Variants in POLR1B observed in about 807,000 individuals in gnomAD.
POLR1B encodes the protein DNA-directed RNA polymerase I subunit RPA2.
A neutral mutation model predicts 105.8 loss-of-function variants in POLR1B; 30 were observed. That is an observed-to-expected ratio of 0.28 (90% CI 0.21 to 0.38). The LOEUF is 0.38. Ranked by LOEUF, POLR1B falls within the 10% of genes least tolerant of loss-of-function variation. The probability of loss-of-function intolerance (pLI) is 1.00; values close to 1 mark genes in which losing one functional copy is unlikely to be tolerated. For missense variants in POLR1B, 976 were observed against 1,435.8 expected (o/e 0.68, Z 5.17); for synonymous variants, 485 against 505.1 (o/e 0.96, Z 0.53).
Position 112,577,591 on chromosome 2 carries a change from C to G in POLR1B, c.*1862C>G, listed in dbSNP as rs576714877. Among the ~76,000 whole-genome samples the G allele has an allele frequency of 6.6e-6, 1 of 151,862 alleles. No individual in the cohort carries two copies. Among genetic ancestry groups the G allele is most frequent in the Non-Finnish European group, 1.5e-5 (1 of 67,932 alleles). On this transcript the variant is annotated 3_prime_UTR_variant, in exon 15 of 15. Transcript: ENST00000263331. ...AAGGCTGGGTGTGGTGGCTCACACC[C>G]ATAATCCCAACACTTTGGCTCAGCA...
chr2:112,549,938 T>C (rs1175999369), intron 4 of POLR1B, among the ~76,000 whole-genome samples: 2 of 148,592 alleles, frequency 1.3e-5, no homozygotes, highest in Non-Finnish European at 3.0e-5. Flanking sequence ...TATGTATATG[T>C]ATATTCAAGG....
chr2:112,550,287 A>G (rs1298467074), intron 4 of POLR1B, among the ~76,000 whole-genome samples: 1 of 152,242 alleles, frequency 6.6e-6, no homozygotes, highest in Non-Finnish European at 1.5e-5. Context: ...CTCTGTTGGA[A>G]CATTCTCTTT....
intron 10 of POLR1B, among the ~76,000 whole-genome samples, chr2:112,565,157 T>C (rs988701572): frequency 6.6e-6 from 1 of 152,264 alleles, no homozygotes. Context: ...AGTGTACAAA[T>C]ATCTATTTAA....
At chr2:112,547,847 GT>G (rs140531624) in intron 3 of POLR1B, among the ~76,000 whole-genome samples, 10 of 147,582 alleles carry the variant, frequency 6.8e-5, no homozygotes, top group Middle Eastern at 3.4e-3. Flanking sequence ...CACAAAATTT[GT>G]TTTTTTTTTC....
chr2:112,564,400 A>G lies in POLR1B; in HGVS notation c.1647A>G (p.Ser549=). 2.5e-6 allele frequency: 4 copies of G among 1,614,242 alleles called. No homozygotes were observed. The highest frequency in any genetic ancestry group is 3.4e-6 in the Non-Finnish European group (4 of 1,180,048). ...CCATTGATGGAGCTCCCCACCGATC[A>G]TACAGTGAGTGCTACCCTGTCCTGC... ...VTPIDGAPHR[S]YSECYPVLLD... Residue 549 remains serine, a synonymous_variant, in exon 10 of 15, where the codon TCA becomes TCG. Coordinates refer to ENST00000263331, the MANE Select transcript of POLR1B (RefSeq NM_019014.6).
At chr2:112,548,718 T>C (rs1476253853) in intron 3 of POLR1B, among the ~76,000 whole-genome samples, 3 of 152,014 alleles carry the variant, frequency 2.0e-5, no homozygotes. Flanking sequence ...GTTCAAGCCA[T>C]TCTCCTGCCT....
intron 11 of POLR1B, among the ~76,000 whole-genome samples, chr2:112,568,376 T>C (rs985052736): frequency 2.0e-5 from 3 of 152,164 alleles, no homozygotes; most frequent in Admixed American, 6.6e-5. Context: ...TCCCATCTTA[T>C]CTAGCTCCCA....
chr2:112,547,991 C>T lies in POLR1B; in HGVS notation c.492+424C>T, dbSNP rs73955235. On this transcript the variant is annotated intron_variant, in intron 3 of 14. Transcript: ENST00000263331. ...CAGTTGAGCCCAGGAGGCCTCACTA[C>T]AGTGAGCCATGATTGTGCCACTGCA... is the stretch of plus-strand genomic sequence containing the variant. Among the ~76,000 whole-genome samples, 1,314 of 152,180 alleles carry T rather than the reference C, an allele frequency of 8.6e-3. 21 individuals carry two copies. The highest frequency in any genetic ancestry group is 0.03 in the African/African-American group (1,248 of 41,502).
intron 1 of POLR1B, among the ~76,000 whole-genome samples, chr2:112,544,305 G>A (rs1682924099): frequency 6.6e-6 from 1 of 152,008 alleles, no homozygotes; most frequent in South Asian, 2.1e-4. Flanking sequence ...GGTGGCACAT[G>A]TCTGTAATCC....
In POLR1B at chr2:112,568,191, A is replaced by C. The variant is rs183377664; in HGVS notation, c.1917+54A>C. On this transcript the variant is annotated intron_variant, in intron 11 of 14. Transcript: ENST00000263331. ...TATGTGCTTGTTTGTATAGTATACA[A>C]CTTTCAGAGACTTAACTCTTCCTTT... The C allele has an allele frequency of 3.8e-5, 56 of 1,482,600 alleles. No homozygotes were observed. The East Asian group carries it at 7.6e-4, about 20-fold the overall frequency. 91.8% of individuals were successfully genotyped at this position (1,482,600 alleles called of 1,614,324 possible). A position where few individuals can be genotyped will look rare whatever the true frequency, so the allele number is the denominator to read the frequency against.
intron 11 of POLR1B, 47 bp downstream of exon 11, chr2:112,568,184 G>T (rs1293830206): frequency 1.9e-5 from 29 of 1,525,898 alleles, no homozygotes; most frequent in Non-Finnish European, 2.6e-5. Flanking sequence ...TGTTTGTATA[G>T]TATACAACTT....
rs762749117 is a variant in POLR1B at position 112,564,357 on chromosome 2, C to T, written c.1613-9C>T. 6.8e-6 allele frequency: 11 copies of T among 1,613,498 alleles called. No individual in the cohort carries two copies. Among genetic ancestry groups the T allele is most frequent in the Admixed American group, 1.7e-5 (1 of 59,986 alleles). On this transcript the variant is annotated splice_polypyrimidine_tract_variant and intron_variant, in intron 9 of 14. Coordinates refer to ENST00000263331, the MANE Select transcript of POLR1B (RefSeq NM_019014.6). ...CTGATGTGATTGTGCTGTTTGTTTCCTTTACCAGGGGTCACTCCCATTGAT... is the reference window on the plus strand; with the variant it reads ...CTGATGTGATTGTGCTGTTTGTTTCTTTTACCAGGGGTCACTCCCATTGAT...
intron 1 of POLR1B, among the ~76,000 whole-genome samples, chr2:112,546,078 AT>A (rs1189518076): frequency 2.0e-5 from 3 of 151,958 alleles, no homozygotes; most frequent in African/African-American, 2.4e-5. Context: ...CCATTTTTTC[AT>A]TTTCATTATT....
In POLR1B at chr2:112,557,989, C is replaced by G; in HGVS notation, c.1238C>G (p.Thr413Ser). The change falls in exon 8 of 15, where the codon ACT becomes AGT. Residue 413 changes from threonine (T) to serine (S), a missense_variant. Transcript: ENST00000263331. Reference sequence around the variant, plus strand: ...CAGAAGACCAGTGTTTCCATGAACACTGACAATTTGATGAGGATTTTTACA... The same window carrying G: ...CAGAAGACCAGTGTTTCCATGAACAGTGACAATTTGATGAGGATTTTTACA... The part of the protein sequence containing the change: ...KAQKTSVSMN[T>S]DNLMRIFTMG... 1.4e-6 allele frequency: 2 copies of G among 1,423,598 alleles called. No individual in the cohort carries two copies. Among genetic ancestry groups the G allele is most frequent in the Non-Finnish European group, 9.3e-7 (1 of 1,074,646 alleles). 88.2% of individuals were successfully genotyped at this position (1,423,598 alleles called of 1,614,324 possible).
intron 1 of POLR1B, chr2:112,545,765 G>A: frequency 3.2e-6 from 1 of 307,862 alleles, no homozygotes. Flanking sequence ...TCAACCTCTT[G>A]AGTAGCTGGG....
At chr2:112,554,018 G>A (rs756735538) in intron 7 of POLR1B, among the ~76,000 whole-genome samples, 1 of 152,096 alleles carries the variant, frequency 6.6e-6, no homozygotes, top group Non-Finnish European at 1.5e-5. Context: ...AGTAGAGGTG[G>A]GGTTTCACCA....
upstream of POLR1B, chr2:112,542,280 G>A: frequency 6.5e-7 from 1 of 1,533,230 alleles, no homozygotes; most frequent in Middle Eastern, 1.7e-4. Context: ...GCTCTGGCTG[G>A]ACACGGCCTT....
At chr2:112,551,197 T>A (rs1409263810) in intron 5 of POLR1B, among the ~76,000 whole-genome samples, 195 bp downstream of exon 5, 2 of 152,174 alleles carry the variant, frequency 1.3e-5, no homozygotes, top group South Asian at 4.1e-4. Flanking sequence ...GTCGGGAGTT[T>A]GGGAGTGCTT....
At chr2:112,558,745 A>G (rs919899396) in intron 8 of POLR1B, among the ~76,000 whole-genome samples, 1 of 151,892 alleles carries the variant, frequency 6.6e-6, no homozygotes, top group African/African-American at 2.4e-5. Flanking sequence ...CAGCCCCACG[A>G]GTAGCTGTGA....
Sources: gnomAD v4.1 joint callset for allele counts (sites outside exome capture counted in the v4.1 genomes callset) on GRCh38, gnomAD v4.1.1 for gene constraint, MANE v1.5 for transcripts, NCBI Gene and HGNC (gene_info 2026-07-23, HGNC 2026-07-21) for gene names.